The following SLC4A4 variants were observed in gnomAD, a reference collection of about 807,000 sequenced individuals.
SLC4A4 encodes solute carrier family 4 member 4.
In SLC4A4, 27 loss-of-function variants were observed where a neutral mutation model predicts 111.5. That is an observed-to-expected ratio of 0.24 (90% CI 0.18 to 0.33). The LOEUF is 0.33. Among genes scored for constraint, SLC4A4 ranks in the 10% least tolerant of loss-of-function variants. SLC4A4 has a pLI of 1.00. For synonymous variants in SLC4A4, 443 were observed against 463.4 expected (o/e 0.96, Z 0.57); for missense variants, 909 against 1,315.5 (o/e 0.69, Z 4.78).
intron 6 of SLC4A4, among the ~76,000 whole-genome samples, chr4:71,366,289 T>TA: frequency 6.6e-6 from 1 of 151,424 alleles, no homozygotes; most frequent in East Asian, 1.9e-4. Context: ...AGGATTGTTT[T>TA]AAAAAAAGCA....
intron 8 of SLC4A4, among the ~76,000 whole-genome samples, chr4:71,443,226 C>T (rs1464528463): frequency 6.7e-6 from 1 of 149,418 alleles, no homozygotes; most frequent in Admixed American, 6.7e-5. Context: ...TCTTGGCTCA[C>T]TGCAACCCCC....
At chr4:71,132,370 C>G (rs895940333) in intron 2 of SLC4A4, among the ~76,000 whole-genome samples, 1 of 152,168 alleles carries the variant, frequency 6.6e-6, no homozygotes, top group Non-Finnish European at 1.5e-5. Context: ...GCAAAATTAT[C>G]TTGAAGCATG....
chr4:71,148,859 C>A (rs1744247883), intron 2 of SLC4A4, among the ~76,000 whole-genome samples: 1 of 151,986 alleles, frequency 6.6e-6, no homozygotes, highest in Non-Finnish European at 1.5e-5. Flanking sequence ...CATATGCATG[C>A]CTGTGTCTTT....
chr4:71,311,022 A>G (rs1346921143), intron 3 of SLC4A4, among the ~76,000 whole-genome samples: 2 of 152,280 alleles, frequency 1.3e-5, no homozygotes, highest in East Asian at 3.9e-4. Context: ...CAAACAAACA[A>G]CAAAACTTAG....
chr4:71,394,878 G>T (rs549195865), intron 6 of SLC4A4, among the ~76,000 whole-genome samples: 8 of 152,236 alleles, frequency 5.3e-5, no homozygotes, highest in African/African-American at 1.7e-4. Flanking sequence ...AAGCTATGAG[G>T]ACGCAAAGGC....
upstream of SLC4A4, among the ~76,000 whole-genome samples, chr4:71,183,875 A>G (rs1199483237): frequency 6.6e-6 from 1 of 152,230 alleles, no homozygotes; most frequent in East Asian, 1.9e-4. Context: ...TATAGTAACA[A>G]GCTATAATGT....
chr4:71,335,207 A>G (rs1728337041), intron 3 of SLC4A4, among the ~76,000 whole-genome samples: 1 of 152,204 alleles, frequency 6.6e-6, no homozygotes, highest in Admixed American at 6.5e-5. Flanking sequence ...ATGTACGCCT[A>G]TATCTAAAAT....
chr4:71,360,678 A>T (rs1478435481), intron 6 of SLC4A4, among the ~76,000 whole-genome samples: 1 of 152,182 alleles, frequency 6.6e-6, no homozygotes, highest in Admixed American at 6.5e-5. Flanking sequence ...GCCAGCTAGC[A>T]TAACCATATG....
chr4:71,352,787 G>T (rs1560433979), intron 5 of SLC4A4, among the ~76,000 whole-genome samples: 1 of 152,192 alleles, frequency 6.6e-6, no homozygotes, highest in Admixed American at 6.5e-5. Flanking sequence ...AGAGTGTAGA[G>T]AAATGAGTCA....
chr4:71,524,952 T>G (rs28583469), intron 16 of SLC4A4, among the ~76,000 whole-genome samples: 19,574 of 152,084 alleles, frequency 0.13, 1,556 homozygotes, highest in Admixed American at 0.24. Context: ...TCATGGCCCT[T>G]TCCCTCCAGT....
At chr4:71,285,502 G>T (rs1290544415) in intron 3 of SLC4A4, among the ~76,000 whole-genome samples, 4 of 152,140 alleles carry the variant, frequency 2.6e-5, no homozygotes, top group African/African-American at 9.7e-5. Flanking sequence ...TTTACTGGGG[G>T]CTGGGGCTTG....
At chr4:71,370,791 T>C (rs559741672) in intron 6 of SLC4A4, among the ~76,000 whole-genome samples, 2 of 152,332 alleles carry the variant, frequency 1.3e-5, no homozygotes, top group African/African-American at 4.8e-5. Context: ...ATCCAGACAT[T>C]GAAGTATTTT....
intron 2 of SLC4A4, among the ~76,000 whole-genome samples, chr4:71,108,617 G>T (rs1287271109): frequency 6.6e-6 from 1 of 152,136 alleles, no homozygotes; most frequent in Non-Finnish European, 1.5e-5. Context: ...GTCTCAGGAT[G>T]GGTCTCTGAG....
At chr4:71,149,585 T>G (rs1744262013) in intron 2 of SLC4A4, among the ~76,000 whole-genome samples, 1 of 152,184 alleles carries the variant, frequency 6.6e-6, no homozygotes, top group African/African-American at 2.4e-5. Context: ...AGGAGGCACT[T>G]TCTACTTTAT....
At chr4:71,201,500 A>G (rs1746249821) in intron 1 of SLC4A4, among the ~76,000 whole-genome samples, 1 of 152,134 alleles carries the variant, frequency 6.6e-6, no homozygotes, top group Non-Finnish European at 1.5e-5. Context: ...AGCACCAAAG[A>G]CTTCGTGCCT....
intron 2 of SLC4A4, among the ~76,000 whole-genome samples, chr4:71,155,449 T>C (rs1183845370): frequency 1.3e-5 from 2 of 152,104 alleles, no homozygotes; most frequent in Admixed American, 1.3e-4. Flanking sequence ...AAGCTCCATG[T>C]TATGAAAATT....
chr4:71,330,742 A>G (rs986097894), intron 3 of SLC4A4, among the ~76,000 whole-genome samples: 15 of 152,184 alleles, frequency 9.9e-5, no homozygotes, highest in African/African-American at 3.6e-4. Flanking sequence ...ATGGGATGTA[A>G]TTAAACTAAA....
intron 1 of SLC4A4, among the ~76,000 whole-genome samples, chr4:71,092,087 A>G (rs1210821700): frequency 6.6e-6 from 1 of 152,192 alleles, no homozygotes; most frequent in Non-Finnish European, 1.5e-5. Context: ...TAGAGTTACT[A>G]CTCATAGTTA....
At chr4:71,151,925 T>G (rs1744323429) in intron 2 of SLC4A4, among the ~76,000 whole-genome samples, 1 of 151,688 alleles carries the variant, frequency 6.6e-6, no homozygotes, top group African/African-American at 2.4e-5. Context: ...TTATTAGAGG[T>G]GTGGTGGTGT....
Sources: gnomAD v4.1 joint callset for allele counts (sites outside exome capture counted in the v4.1 genomes callset) on GRCh38, gnomAD v4.1.1 for gene constraint, MANE v1.5 for transcripts, NCBI Gene and HGNC (gene_info 2026-07-23, HGNC 2026-07-21) for gene names.